The following UNC5D variants were observed in gnomAD, a reference collection of about 807,000 sequenced individuals.
UNC5D encodes the protein netrin receptor UNC5D.
In UNC5D, 39 loss-of-function variants were observed where a neutral mutation model predicts 105.4. That is an observed-to-expected ratio of 0.37 (90% CI 0.29 to 0.48). The LOEUF is 0.48. Ranked by LOEUF, UNC5D falls within the 20% of genes least tolerant of loss-of-function variation. The pLI is 0.98. For synonymous variants in UNC5D, 452 were observed against 450.4 expected (o/e 1.00, Z -0.04); for missense variants, 991 against 1,202.4 (o/e 0.82, Z 2.60).
chr8:35,741,763 A>T (rs1439517972), intron 11 of UNC5D, among the ~76,000 whole-genome samples: 2 of 152,112 alleles, frequency 1.3e-5, no homozygotes, highest in African/African-American at 4.8e-5. Flanking sequence ...AGTGCATGAG[A>T]TGTTGCTTTG....
chr8:35,710,931 A>ATTTTT (rs1827896059), intron 8 of UNC5D, among the ~76,000 whole-genome samples: 1 of 122,024 alleles, frequency 8.2e-6, no homozygotes, highest in African/African-American at 4.2e-5. Context: ...GCTCAGCATT[A>ATTTTT]TTCTTTTTTT....
chr8:35,636,337 G>C (rs1822369406), intron 4 of UNC5D, among the ~76,000 whole-genome samples: 1 of 152,124 alleles, frequency 6.6e-6, no homozygotes. Context: ...TTTTAACTTA[G>C]GTCAGGTTTT....
chr8:35,736,630 G>A (rs1258806346), intron 11 of UNC5D, among the ~76,000 whole-genome samples: 2 of 152,110 alleles, frequency 1.3e-5, no homozygotes, highest in East Asian at 1.9e-4. Context: ...TGGTATATAC[G>A]GTGACCACAG....
intron 2 of UNC5D, among the ~76,000 whole-genome samples, chr8:35,563,328 G>A (rs892877203): frequency 8.7e-6 from 1 of 114,338 alleles, no homozygotes; most frequent in Non-Finnish European, 1.7e-5. Context: ...CTATGTCTTT[G>A]GTTAAGTTCA....
intron 1 of UNC5D, among the ~76,000 whole-genome samples, chr8:35,540,227 C>G (rs1445578866): frequency 2.0e-5 from 3 of 152,282 alleles, no homozygotes; most frequent in South Asian, 2.1e-4. Context: ...TAAACTCCAT[C>G]TCCATATTCT....
chr8:35,473,660 A>G (rs1399963856), intron 1 of UNC5D, among the ~76,000 whole-genome samples: 1 of 152,212 alleles, frequency 6.6e-6, no homozygotes, highest in Admixed American at 6.5e-5. Flanking sequence ...GGTTGAAACC[A>G]CCAGGATGAT....
intron 1 of UNC5D, among the ~76,000 whole-genome samples, chr8:35,545,565 AC>A (rs1815598566): frequency 6.6e-6 from 1 of 151,908 alleles, no homozygotes; most frequent in Non-Finnish European, 1.5e-5. Flanking sequence ...TGAGAGCCTG[AC>A]CCAGTGTGGA....
At chr8:35,382,707 T>C (rs1414372411) in intron 1 of UNC5D, among the ~76,000 whole-genome samples, 2 of 152,182 alleles carry the variant, frequency 1.3e-5, no homozygotes, top group African/African-American at 4.8e-5. Context: ...TGGACTTGGC[T>C]CCTGCTGTCA....
At chr8:35,305,565 T>TTCTTTC (rs762812240) in intron 1 of UNC5D, among the ~76,000 whole-genome samples, 20 of 19,708 alleles carry the variant, frequency 1.0e-3, no homozygotes, top group Admixed American at 2.9e-3. Flanking sequence ...CTTCCTTCCT[T>TTCTTTC]TCTTTCTTTC....
At chr8:35,694,533 G>A (rs1249251548) in intron 7 of UNC5D, among the ~76,000 whole-genome samples, 1 of 152,122 alleles carries the variant, frequency 6.6e-6, no homozygotes, top group Non-Finnish European at 1.5e-5. Context: ...GGAACACCTT[G>A]AACAAGTGTC....
rs115511516 is a variant in UNC5D, at chr8:35,475,639, A to G, written c.104-73653A>G. On this transcript the variant is annotated intron_variant, in intron 1 of 16. Coordinates refer to ENST00000404895, the MANE Select transcript of UNC5D (RefSeq NM_080872.4). Reference sequence around the variant, plus strand: ...GAGGTACATGTCAACACCTTTTTCCAGAATTACCCATCCTGAAAACCGTCT... The same window carrying G: ...GAGGTACATGTCAACACCTTTTTCCGGAATTACCCATCCTGAAAACCGTCT... 4.1e-3 allele frequency among the ~76,000 whole-genome samples: 628 copies of G among 152,302 alleles called. 8 individuals carry two copies. Among genetic ancestry groups the G allele is most frequent in the African/African-American group, 0.014 (593 of 41,570 alleles).
intron 1 of UNC5D, among the ~76,000 whole-genome samples, chr8:35,387,066 A>G (rs1693840375): frequency 6.6e-6 from 1 of 152,044 alleles, no homozygotes; most frequent in African/African-American, 2.4e-5. Context: ...CTTGTTAGAA[A>G]TGCAGATTCT....
intron 1 of UNC5D, among the ~76,000 whole-genome samples, chr8:35,435,246 T>C (rs1806930281): frequency 6.6e-6 from 1 of 152,140 alleles, no homozygotes; most frequent in Non-Finnish European, 1.5e-5. Context: ...CCAAGAACAC[T>C]TGAAAGATTA....
At chr8:35,365,474 A>T (rs1382550010) in intron 1 of UNC5D, among the ~76,000 whole-genome samples, 1 of 151,558 alleles carries the variant, frequency 6.6e-6, no homozygotes, top group Admixed American at 6.6e-5. Context: ...TTAAGAAAAG[A>T]TTCCAACTGG....
At chr8:35,577,122 T>A (rs1416296108) in intron 3 of UNC5D, among the ~76,000 whole-genome samples, 1 of 152,228 alleles carries the variant, frequency 6.6e-6, no homozygotes, top group Non-Finnish European at 1.5e-5. Flanking sequence ...AAGGTGCAGA[T>A]ATGATACCCC....
At chr8:35,766,879 C>T in intron 14 of UNC5D, 23 bp from the exon 15 acceptor site, 3 of 1,599,984 alleles carry the variant, frequency 1.9e-6, no homozygotes, top group Non-Finnish European at 2.6e-6. Flanking sequence ...GCACACCATC[C>T]CTTCTCTCCG....
intron 1 of UNC5D, among the ~76,000 whole-genome samples, chr8:35,522,135 A>G (rs542915173): frequency 1.2e-3 from 190 of 152,338 alleles, no homozygotes; most frequent in African/African-American, 4.5e-3. Flanking sequence ...TTCATAAAAT[A>G]TCTGGTGATT....
intron 4 of UNC5D, among the ~76,000 whole-genome samples, chr8:35,663,338 C>T (rs1472735429): frequency 6.6e-6 from 1 of 152,142 alleles, no homozygotes; most frequent in African/African-American, 2.4e-5. Context: ...GTCCTTATTC[C>T]AATTCAGGGT....
intron 1 of UNC5D, among the ~76,000 whole-genome samples, chr8:35,293,784 T>C (rs923227526): frequency 6.6e-5 from 10 of 152,222 alleles, no homozygotes; most frequent in African/African-American, 2.4e-4. Flanking sequence ...CACACTTAAA[T>C]GATGTCCTCT....
Sources: allele counts gnomAD v4.1 joint callset (sites outside exome capture counted in the v4.1 genomes callset), GRCh38; gene constraint gnomAD v4.1.1; transcripts MANE v1.5; gene names NCBI Gene and HGNC (gene_info 2026-07-23, HGNC 2026-07-21).